GPATCH2: variants seen among roughly 807,000 people sequenced by gnomAD.
GPATCH2 encodes G-patch domain containing 2, also known as G patch domain-containing protein 2.
In GPATCH2, 51 loss-of-function variants were observed where a neutral mutation model predicts 58.0. The observed-to-expected ratio is 0.88, with a 90% CI of 0.70 to 1.11. The LOEUF (loss-of-function observed/expected upper bound fraction) is 1.11, where lower values mean the gene tolerates loss of function less well. Ranked by LOEUF, GPATCH2 falls within the 50% of genes most tolerant of loss-of-function variation. The pLI is 0.00. For missense variants in GPATCH2, 625 were observed against 652.2 expected (o/e 0.96, Z 0.45); for synonymous variants, 222 against 218.5 (o/e 1.02, Z -0.14).
intron 6 of GPATCH2, among the ~76,000 whole-genome samples, chr1:217,513,539 A>G (rs967084459): frequency 2.0e-5 from 3 of 152,202 alleles, no homozygotes; most frequent in African/African-American, 7.2e-5. Context: ...GCCTTTTTAA[A>G]AGTTCAATCA....
chr1:217,619,852 G>A lies in GPATCH2; in HGVS notation c.704C>T (p.Thr235Met), dbSNP rs769586904. ...CATTTTGTCCTTATTGGTCTGGTTC[G>A]TTTCCTCACTTTCTAAAACTACTCC... ...DEGVVLESEE[T>M]NQTNKDKMEC... Residue 235 changes from threonine to methionine, a missense_variant, in exon 2 of 10, where the codon ACG (threonine) becomes ATG (methionine). Thr to Met is a moderately conservative substitution (Grantham distance 81, BLOSUM62 -1). Coordinates refer to ENST00000366935, the MANE Select transcript of GPATCH2 (RefSeq NM_018040.5). 36 of 1,613,370 alleles carry A rather than the reference G, an allele frequency of 2.2e-5. No individual in the cohort carries two copies. The highest frequency in any genetic ancestry group is 1.1e-4 in the South Asian group (10 of 91,038).
At chr1:217,465,295 G>T (rs1660395621) in intron 8 of GPATCH2, among the ~76,000 whole-genome samples, 1 of 152,098 alleles carries the variant, frequency 6.6e-6, no homozygotes, top group African/African-American at 2.4e-5. Context: ...TTAAAAGAAA[G>T]TGATAGCTAC....
At position 217,552,028 on chromosome 1, in the gene GPATCH2, T is replaced by C. The variant is rs139197871; in HGVS notation, c.1099-37139A>G. On this transcript the variant is annotated intron_variant, in intron 5 of 9. Coordinates refer to ENST00000366935, the MANE Select transcript of GPATCH2 (RefSeq NM_018040.5). ...AATTCTTAATCAACCTATTTTTAGA[T>C]GGGTAAATTTGCAATTACCTATCAG... is the stretch of plus-strand genomic sequence containing the variant. 1.1e-3 allele frequency among the ~76,000 whole-genome samples: 169 copies of C among 152,278 alleles called. 1 individual carries two copies. Among genetic ancestry groups the C allele is most frequent in the African/African-American group, 3.9e-3 (163 of 41,580 alleles).
intron 8 of GPATCH2, among the ~76,000 whole-genome samples, chr1:217,453,457 T>C (rs1017758091): frequency 2.0e-5 from 3 of 152,206 alleles, no homozygotes; most frequent in Non-Finnish European, 4.4e-5. Context: ...ATTTGAAACA[T>C]GGTTTCCCAA....
At chr1:217,471,612 G>C (rs886517635) in intron 8 of GPATCH2, among the ~76,000 whole-genome samples, 36 of 152,150 alleles carry the variant, frequency 2.4e-4, no homozygotes, top group African/African-American at 8.2e-4. Context: ...AACGTGTTCT[G>C]TATTAATGTA....
chr1:217,514,819 C>CT lies in GPATCH2; in HGVS notation c.1166+2_1166+3insA. On this transcript the variant is annotated splice_region_variant and intron_variant, in intron 6 of 9. Coordinates refer to ENST00000366935, the MANE Select transcript of GPATCH2 (RefSeq NM_018040.5). The stretch of plus-strand genomic sequence containing the variant: ...AGGTTATATAAACACACTGAGTACT[C>CT]ACTCATGGTGATGAGAATCCGGGGA... The CT allele has an allele frequency of 7.1e-7, 1 of 1,402,170 alleles. No homozygotes were observed. The highest frequency in any genetic ancestry group is 1.2e-5 in the South Asian group (1 of 86,244). 86.9% of individuals were successfully genotyped at this position (1,402,170 alleles called of 1,614,324 possible). A position where few individuals can be genotyped will look rare whatever the true frequency, so the allele number is the denominator to read the frequency against.
intron 5 of GPATCH2, among the ~76,000 whole-genome samples, chr1:217,564,228 G>T (rs1210630574): frequency 6.6e-6 from 1 of 152,028 alleles, no homozygotes. Flanking sequence ...TTTGCAAATT[G>T]AGCAAGAGGA....
intron 5 of GPATCH2, among the ~76,000 whole-genome samples, chr1:217,577,177 A>G (rs1186392016): frequency 6.6e-6 from 1 of 152,232 alleles, no homozygotes; most frequent in East Asian, 1.9e-4. Context: ...AAGATAATAA[A>G]AGGCTTTAAA....
intron 5 of GPATCH2, among the ~76,000 whole-genome samples, chr1:217,535,226 A>C (rs1334062068): frequency 1.3e-5 from 2 of 152,252 alleles, no homozygotes; most frequent in Non-Finnish European, 2.9e-5. Context: ...ACTTGACTTA[A>C]GCGAAATAGA....
At chr1:217,541,734 T>A (rs1474645713) in intron 5 of GPATCH2, among the ~76,000 whole-genome samples, 20 of 152,214 alleles carry the variant, frequency 1.3e-4, no homozygotes, top group Admixed American at 1.3e-3. Flanking sequence ...ATTTTCTTAA[T>A]CCATGTGAAT....
Position 217,619,947 on chromosome 1 carries a change from T to C in GPATCH2, c.609A>G (p.Glu203=), listed in dbSNP as rs993369334. ...MDSDRAYQYQ[E]FTKNKVKKRK... is the part of the protein sequence containing the mutation. ...TTTTTTTGACTTTGTTCTTGGTAAA[T>C]TCTTGATACTGGTAGGCTCTATCAC... Residue 203 remains glutamate, a synonymous_variant, in exon 2 of 10, where the codon GAA becomes GAG. Transcript: ENST00000366935. The C allele has an allele frequency of 6.2e-7, 1 of 1,614,066 alleles. No homozygotes were observed. The highest frequency in any genetic ancestry group is 1.3e-5 in the African/African-American group (1 of 75,034).
At chr1:217,610,443 C>T (rs1668571182) in intron 4 of GPATCH2, 43 bp from the exon 5 acceptor site, 2 of 1,075,902 alleles carry the variant, frequency 1.9e-6, no homozygotes, top group Non-Finnish European at 2.8e-6. Flanking sequence ...TCTATGATCA[C>T]TGAAGCATAG....
intron 3 of GPATCH2, 25 bp from the exon 4 acceptor site, chr1:217,611,096 C>CA (rs772696115): frequency 9.5e-6 from 15 of 1,587,208 alleles, no homozygotes; most frequent in Non-Finnish European, 1.3e-5. Flanking sequence ...GAAACCCCCC[C>CA]CCACCAAAGA....
chr1:217,561,096 C>T (rs564453917), intron 5 of GPATCH2, among the ~76,000 whole-genome samples: 12 of 152,126 alleles, frequency 7.9e-5, no homozygotes, highest in Non-Finnish European at 1.3e-4. Flanking sequence ...AACAAACAGA[C>T]AAAAACAAAG....
chr1:217,592,521 C>A lies in GPATCH2; in HGVS notation c.1098+17800G>T, dbSNP rs567527103. Reference sequence around the variant, plus strand: ...TAAAATAACAAGAACCAGTGTTCACCACATGATATTGAAAAAATCTAATTT... The same window carrying A: ...TAAAATAACAAGAACCAGTGTTCACAACATGATATTGAAAAAATCTAATTT... On this transcript the variant is annotated intron_variant, in intron 5 of 9. Transcript: ENST00000366935. 7.9e-5 allele frequency among the ~76,000 whole-genome samples: 12 copies of A among 151,844 alleles called. No individual in the cohort carries two copies. The East Asian group carries it at 2.3e-3, about 29-fold the overall frequency.
chr1:217,437,642 C>T (rs962972781), intron 9 of GPATCH2, among the ~76,000 whole-genome samples: 1 of 152,174 alleles, frequency 6.6e-6, no homozygotes, highest in African/African-American at 2.4e-5. Flanking sequence ...TGGAGCCCAC[C>T]ACAGCTCAGT....
At chr1:217,589,447 A>G (rs1336226643) in intron 5 of GPATCH2, among the ~76,000 whole-genome samples, 2 of 152,184 alleles carry the variant, frequency 1.3e-5, no homozygotes, top group Non-Finnish European at 2.9e-5. Context: ...TAGAAAAGTA[A>G]TTCCTAGACT....
At position 217,610,926 on chromosome 1, in the gene GPATCH2, A is replaced by T; in HGVS notation, c.981T>A (p.Thr327=). ...GGTGTGACATAAGGGGAAAAGAACCAGTTAAGATACTTTCAAAGACAGGAT... is the reference window on the plus strand; with the variant it reads ...GGTGTGACATAAGGGGAAAAGAACCTGTTAAGATACTTTCAAAGACAGGAT... ...VPDPVFESIL[T]GSFPLMSHPS... Residue 327 remains threonine (T), a synonymous_variant, in exon 4 of 10, where the codon ACT becomes ACA. Coordinates refer to ENST00000366935, the MANE Select transcript of GPATCH2 (RefSeq NM_018040.5). 6.2e-7 allele frequency: 1 copy of T among 1,613,600 alleles called. No individual in the cohort carries two copies. The highest frequency in any genetic ancestry group is 8.5e-7 in the Non-Finnish European group (1 of 1,179,744).
chr1:217,584,350 T>TATATATATATATATATACAC (rs1667234495), intron 5 of GPATCH2, among the ~76,000 whole-genome samples: 1 of 56,450 alleles, frequency 1.8e-5, no homozygotes, highest in African/African-American at 5.4e-5. Flanking sequence ...AAAAAATATA[T>TATATATATATATATATACAC]ATATATATAT....
Sources: gnomAD v4.1 joint callset for allele counts (sites outside exome capture counted in the v4.1 genomes callset) on GRCh38, gnomAD v4.1.1 for gene constraint, MANE v1.5 for transcripts, NCBI Gene and HGNC (gene_info 2026-07-23, HGNC 2026-07-21) for gene names.